Variants in LINGO2 observed in about 807,000 individuals in gnomAD.
The protein encoded by LINGO2 is leucine-rich repeat and immunoglobulin-like domain-containing nogo receptor-interacting protein 2.
Under a neutral mutation model 30.6 loss-of-function variants are expected in LINGO2, and 14 were observed. That is an observed-to-expected ratio of 0.46 (90% CI 0.30 to 0.72). The LOEUF (loss-of-function observed/expected upper bound fraction) is 0.72, where lower values mean the gene tolerates loss of function less well. Among genes scored for constraint, LINGO2 ranks in the 30% least tolerant of loss-of-function variants. The pLI is 0.07. For missense variants in LINGO2, 729 were observed against 751.7 expected, an observed-to-expected ratio of 0.97 and a Z score of 0.35; for synonymous variants, 317 against 288.5, an observed-to-expected ratio of 1.10 and a Z score of -1.00.
chr9:28,110,578 G>A (rs1291123812), intron 4 of LINGO2, among the ~76,000 whole-genome samples: 1 of 152,050 alleles, frequency 6.6e-6, no homozygotes. Context: ...AGTGGGCTAA[G>A]TATATGCATG....
At chr9:28,099,879 A>G (rs553897010) in intron 4 of LINGO2, among the ~76,000 whole-genome samples, 3 of 152,168 alleles carry the variant, frequency 2.0e-5, no homozygotes, top group East Asian at 3.9e-4. Flanking sequence ...CCCTTTACTA[A>G]TGCTGCTCCC....
intron 2 of LINGO2, among the ~76,000 whole-genome samples, chr9:28,376,542 T>C (rs1821138437): frequency 6.6e-6 from 1 of 152,132 alleles, no homozygotes; most frequent in Non-Finnish European, 1.5e-5. Flanking sequence ...GCTGAGTCCT[T>C]CTCTGGGAAT....
At chr9:28,000,192 G>A (rs1332654168) in intron 5 of LINGO2, among the ~76,000 whole-genome samples, 1 of 152,176 alleles carries the variant, frequency 6.6e-6, no homozygotes, top group African/African-American at 2.4e-5. Flanking sequence ...ATGAGAGGTG[G>A]CAGCAGTGCT....
the LINGO2 span, among the ~76,000 whole-genome samples, chr9:29,132,626 C>T: frequency 6.6e-6 from 1 of 152,114 alleles, no homozygotes; most frequent in Non-Finnish European, 1.5e-5. Context: ...GTGGAGTGTA[C>T]ATTCATTTCA....
chr9:28,389,314 G>C (rs1159372765), intron 2 of LINGO2, among the ~76,000 whole-genome samples: 1 of 151,990 alleles, frequency 6.6e-6, no homozygotes, highest in Non-Finnish European at 1.5e-5. Context: ...ATAAAGACAA[G>C]ATAATGTCAG....
chr9:29,156,979 G>A, the LINGO2 span, among the ~76,000 whole-genome samples: 6 of 151,944 alleles, frequency 3.9e-5, no homozygotes, highest in South Asian at 2.1e-4. Flanking sequence ...AATAACTTAC[G>A]CAAGCAAAGT....
chr9:28,606,905 A>G (rs1412816174), intron 1 of LINGO2, among the ~76,000 whole-genome samples: 4 of 152,114 alleles, frequency 2.6e-5, no homozygotes, highest in Non-Finnish European at 5.9e-5. Context: ...GTGTTCTTAC[A>G]AAAAACAAAA....
intron 1 of LINGO2, among the ~76,000 whole-genome samples, chr9:28,594,822 G>T (rs149240559): frequency 1.3e-3 from 192 of 152,122 alleles, no homozygotes; most frequent in African/African-American, 4.5e-3. Context: ...CCAAGAAATA[G>T]ATTCCAAGTT....
intron 4 of LINGO2, among the ~76,000 whole-genome samples, chr9:28,265,127 T>C (rs922699660): frequency 4.0e-5 from 6 of 151,700 alleles, no homozygotes; most frequent in African/African-American, 1.5e-4. Flanking sequence ...AGCTAATTCC[T>C]TAAAACAAAT....
the LINGO2 span, among the ~76,000 whole-genome samples, chr9:29,159,823 AG>A: frequency 7.3e-6 from 1 of 137,604 alleles, no homozygotes; most frequent in Admixed American, 7.6e-5. Context: ...ACTGCACTCC[AG>A]CCTGGGCCAA....
At chr9:29,136,692 G>C in the LINGO2 span, among the ~76,000 whole-genome samples, 1 of 152,086 alleles carries the variant, frequency 6.6e-6, no homozygotes, top group Non-Finnish European at 1.5e-5. Context: ...CCAGGTGTCA[G>C]TCAACAGGCT....
At chr9:28,659,573 G>A (rs1269767041) in intron 1 of LINGO2, among the ~76,000 whole-genome samples, 1 of 151,614 alleles carries the variant, frequency 6.6e-6, no homozygotes, top group African/African-American at 2.4e-5. Context: ...TCAGCCTGTC[G>A]AGTAACTGGG....
At chr9:28,587,745 G>A (rs891783589) in intron 1 of LINGO2, among the ~76,000 whole-genome samples, 4 of 151,944 alleles carry the variant, frequency 2.6e-5, no homozygotes, top group Admixed American at 1.3e-4. Context: ...GAAAGCACTC[G>A]GGTTACTCAC....
intron 1 of LINGO2, among the ~76,000 whole-genome samples, chr9:28,553,446 G>GA (rs1027855670): frequency 7.2e-5 from 11 of 151,964 alleles, no homozygotes; most frequent in East Asian, 1.9e-4. Context: ...GAAGTTTAGA[G>GA]AAAAAAGAAT....
intron 1 of LINGO2, among the ~76,000 whole-genome samples, chr9:28,574,675 G>A (rs964484893): frequency 2.6e-5 from 4 of 151,972 alleles, no homozygotes; most frequent in African/African-American, 9.6e-5. Flanking sequence ...CTGTAACCCC[G>A]CATTCACAGA....
In LINGO2 at chr9:28,296,497, A is replaced by T. The variant is rs559545804; in HGVS notation, c.-245-1131T>A. Among the ~76,000 whole-genome samples the T allele has an allele frequency of 7.2e-5, 11 of 152,298 alleles. No individual in the cohort carries two copies. In the South Asian group the frequency reaches 2.3e-3, roughly 32 times the overall value. On this transcript the variant is annotated intron_variant, in intron 3 of 5. Transcript: ENST00000379992. ...ACAGGTGCAAAAACTGATTTTAACAAGCAACAAAATAATAAATCCTCATGC... is the reference window on the plus strand; with the variant it reads ...ACAGGTGCAAAAACTGATTTTAACATGCAACAAAATAATAAATCCTCATGC...
rs539660983 is a variant in LINGO2, at chr9:28,342,520, G to A, written c.-246+30316C>T. Among the ~76,000 whole-genome samples, 8 of 152,160 alleles carry A rather than the reference G, an allele frequency of 5.3e-5. No individual in the cohort carries two copies. In the East Asian group the frequency reaches 1.6e-3, roughly 29 times the overall value. The stretch of plus-strand genomic sequence containing the variant: ...AAATCTCTTGTCAGGTATCCTCGTG[G>A]CTGCTTTTCAGCTTAAGGCCTTTGG... On this transcript the variant is annotated intron_variant, in intron 3 of 5. Transcript: ENST00000379992.
intron 4 of LINGO2, among the ~76,000 whole-genome samples, chr9:28,224,689 C>T (rs746158363): frequency 5.3e-5 from 8 of 152,018 alleles, no homozygotes; most frequent in South Asian, 2.1e-4. Context: ...TGATAACCAC[C>T]GATTTACTTT....
the LINGO2 span, among the ~76,000 whole-genome samples, chr9:28,695,749 T>TAAA: frequency 3.5e-5 from 5 of 142,494 alleles, no homozygotes; most frequent in East Asian, 8.1e-4. Flanking sequence ...GCATTTCTGT[T>TAAA]AAAAAAAAAA....
Sources: allele counts gnomAD v4.1 joint callset (sites outside exome capture counted in the v4.1 genomes callset), GRCh38; gene constraint gnomAD v4.1.1; transcripts MANE v1.5; gene names NCBI Gene and HGNC (gene_info 2026-07-23, HGNC 2026-07-21).